Variants in MDGA2 observed in about 807,000 individuals in gnomAD.
MDGA2 encodes MAM domain containing glycosylphosphatidylinositol anchor 2.
In MDGA2, 40 loss-of-function variants were observed where a neutral mutation model predicts 117.8. The ratio of observed to expected loss-of-function variants is 0.34; its 90% CI spans 0.26 to 0.44. The LOEUF (loss-of-function observed/expected upper bound fraction) is 0.44. MDGA2 is among the 20% of genes least tolerant of loss of function. The pLI is 1.00. For synonymous variants in MDGA2, 452 were observed against 439.0 expected (o/e 1.03, Z -0.37); for missense variants, 1,123 against 1,250.6 (o/e 0.90, Z 1.54).
At chr14:47,652,586 T>A (rs1897665189) in intron 1 of MDGA2, among the ~76,000 whole-genome samples, 1 of 152,206 alleles carries the variant, frequency 6.6e-6, no homozygotes, top group Non-Finnish European at 1.5e-5. Context: ...AACAAGCTTA[T>A]AAAGATGATA....
At chr14:47,632,579 C>T (rs1897260211) in intron 1 of MDGA2, among the ~76,000 whole-genome samples, 2 of 152,144 alleles carry the variant, frequency 1.3e-5, no homozygotes, top group African/African-American at 4.8e-5. Context: ...AAAGTTCAAA[C>T]TTGTTATCTT....
intron 5 of MDGA2, among the ~76,000 whole-genome samples, chr14:47,125,578 A>G (rs573206191): frequency 1.3e-5 from 2 of 152,168 alleles, no homozygotes; most frequent in Admixed American, 1.3e-4. Context: ...AAGAAAAAAA[A>G]AGAGTAGAAG....
intron 8 of MDGA2, among the ~76,000 whole-genome samples, chr14:47,020,832 T>C (rs1275452284): frequency 6.6e-6 from 1 of 151,418 alleles, no homozygotes; most frequent in African/African-American, 2.4e-5. Context: ...TCGAATGAAC[T>C]AATACATGTA....
chr14:47,587,568 A>C (rs368213493), intron 1 of MDGA2, among the ~76,000 whole-genome samples: 8 of 151,776 alleles, frequency 5.3e-5, no homozygotes, highest in Non-Finnish European at 7.4e-5. Context: ...TCCTACTTAG[A>C]TATCTCTTCT....
At chr14:47,336,934 C>G (rs991232012) in intron 1 of MDGA2, among the ~76,000 whole-genome samples, 2 of 151,964 alleles carry the variant, frequency 1.3e-5, no homozygotes, top group Non-Finnish European at 2.9e-5. Context: ...TAATAATTAT[C>G]TGTTGAATGA....
At chr14:47,244,538 T>C (rs776864627) in intron 2 of MDGA2, among the ~76,000 whole-genome samples, 1 of 151,892 alleles carries the variant, frequency 6.6e-6, no homozygotes, top group Non-Finnish European at 1.5e-5. Context: ...TACTTATAAA[T>C]ATAATTGTCT....
chr14:47,668,715 A>G (rs935505077), intron 1 of MDGA2, among the ~76,000 whole-genome samples: 15 of 152,352 alleles, frequency 9.8e-5, no homozygotes, highest in Admixed American at 8.5e-4. Flanking sequence ...CTCTTTTCAT[A>G]CTTTAAATAT....
chr14:46,934,562 CA>C (rs1211918792), intron 9 of MDGA2, among the ~76,000 whole-genome samples: 1 of 152,030 alleles, frequency 6.6e-6, no homozygotes, highest in African/African-American at 2.4e-5. Flanking sequence ...AATCTTACCT[CA>C]AAAAGATCCA....
chr14:47,085,276 T>C (rs1378165695), intron 6 of MDGA2, among the ~76,000 whole-genome samples: 2 of 152,004 alleles, frequency 1.3e-5, no homozygotes, highest in East Asian at 1.9e-4. Context: ...TGAAATATAA[T>C]GGTATAGAAG....
At chr14:47,443,531 G>A (rs759545028) in intron 1 of MDGA2, among the ~76,000 whole-genome samples, 4 of 151,966 alleles carry the variant, frequency 2.6e-5, no homozygotes, top group Admixed American at 6.6e-5. Flanking sequence ...ATTTGTTTCC[G>A]TATATTTACT....
chr14:47,441,567 A>G (rs1893011914), intron 1 of MDGA2, among the ~76,000 whole-genome samples: 1 of 152,202 alleles, frequency 6.6e-6, no homozygotes. Context: ...TATGTTCTCA[A>G]CAAACTTACA....
chr14:47,217,684 A>C (rs1185405989), intron 3 of MDGA2, among the ~76,000 whole-genome samples: 4 of 152,130 alleles, frequency 2.6e-5, no homozygotes, highest in Non-Finnish European at 5.9e-5. Flanking sequence ...ATCCTATTTT[A>C]ATAAAAATAT....
chr14:47,256,579 ATG>A lies in MDGA2; in HGVS notation c.421-38386_421-38385del, dbSNP rs1218806591. On this transcript the variant is annotated intron_variant, in intron 2 of 16. Coordinates refer to ENST00000399232, the MANE Select transcript of MDGA2 (RefSeq NM_001113498.3). ...TGCATCTTGCACACTTAAAGAAGAT[ATG>A]CTAAACAAAATGTCATTTCTCTGGA... 4.6e-5 allele frequency among the ~76,000 whole-genome samples: 7 copies of A among 152,320 alleles called. No individual in the cohort carries two copies. In the East Asian group the frequency reaches 1.4e-3, roughly 29 times the overall value.
At chr14:46,861,638 A>G (rs2138323132) in intron 14 of MDGA2, among the ~76,000 whole-genome samples, 1 of 152,110 alleles carries the variant, frequency 6.6e-6, no homozygotes, top group Non-Finnish European at 1.5e-5. Flanking sequence ...AAAAGACACA[A>G]GAACTACAAC....
intron 11 of MDGA2, among the ~76,000 whole-genome samples, chr14:46,878,354 T>G (rs1882313357): frequency 6.6e-6 from 1 of 152,004 alleles, no homozygotes; most frequent in Non-Finnish European, 1.5e-5. Context: ...TTGATGTAAT[T>G]CCCCAAGATT....
At chr14:46,874,240 A>T in intron 12 of MDGA2, 40 bp from the exon 13 acceptor site, 2 of 1,001,446 alleles carry the variant, frequency 2.0e-6, no homozygotes, top group Non-Finnish European at 2.7e-6. Flanking sequence ...TAATTAAATT[A>T]ATACACATAC....
At chr14:46,844,559 C>T (rs1447758765) in intron 16 of MDGA2, among the ~76,000 whole-genome samples, 5 of 148,842 alleles carry the variant, frequency 3.4e-5, no homozygotes, top group Non-Finnish European at 5.9e-5. Context: ...CCAGCCTGGG[C>T]AACAAGAGCA....
intron 1 of MDGA2, among the ~76,000 whole-genome samples, chr14:47,498,965 G>C (rs1434557264): frequency 6.6e-6 from 1 of 152,006 alleles, no homozygotes. Flanking sequence ...ATGTAGCAGG[G>C]AAGTAGTCAC....
chr14:47,231,413 G>C (rs2209647), intron 2 of MDGA2, among the ~76,000 whole-genome samples: 4,271 of 152,114 alleles, frequency 0.028, 150 homozygotes, highest in East Asian at 0.18. Context: ...TACACCATCT[G>C]AGTCCAGAGC....
Sources: allele counts gnomAD v4.1 joint callset (sites outside exome capture counted in the v4.1 genomes callset), GRCh38; gene constraint gnomAD v4.1.1; transcripts MANE v1.5; gene names NCBI Gene and HGNC (gene_info 2026-07-23, HGNC 2026-07-21).